Variants in DNAAF4 observed in about 807,000 individuals in gnomAD.
DNAAF4 encodes the protein dynein assembly factor 4, axonemal.
A neutral mutation model predicts 51.8 loss-of-function variants in DNAAF4; 43 were observed. The observed-to-expected ratio is 0.83, with a 90% CI of 0.65 to 1.07. The LOEUF (loss-of-function observed/expected upper bound fraction) is 1.07. Ranked by LOEUF, DNAAF4 falls within the 50% of genes least tolerant of loss-of-function variation. DNAAF4 has a pLI of 0.00. For synonymous variants in DNAAF4, 194 were observed against 165.6 expected (o/e 1.17, Z -1.32); for missense variants, 581 against 493.0 (o/e 1.18, Z -1.69).
chr15:55,428,157 T>C (rs1035572662), downstream of DNAAF4, among the ~76,000 whole-genome samples: 3 of 151,982 alleles, frequency 2.0e-5, no homozygotes, highest in African/African-American at 7.3e-5. Context: ...TTTCACCATG[T>C]TGGCCAGGCT....
chr15:55,421,860 G>T (rs548700629), intron 7 of DNAAF4, among the ~76,000 whole-genome samples: 5 of 150,434 alleles, frequency 3.3e-5, no homozygotes, highest in African/African-American at 1.2e-4. Context: ...TTGCACTCCA[G>T]CCTGGGCAAC....
At chr15:55,489,617 G>C (rs565204547) in intron 4 of DNAAF4, among the ~76,000 whole-genome samples, 2 of 148,856 alleles carry the variant, frequency 1.3e-5, no homozygotes, top group African/African-American at 5.0e-5. Context: ...AGAGGTTGCA[G>C]TGAGCTGAGA....
intron 7 of DNAAF4, chr15:55,418,365 C>T: frequency 6.5e-7 from 1 of 1,538,092 alleles, no homozygotes; most frequent in Non-Finnish European, 8.7e-7. Flanking sequence ...CTATCAAAAC[C>T]TCAAATGATT....
intron 5 of DNAAF4, among the ~76,000 whole-genome samples, chr15:55,462,580 C>T (rs1017846781): frequency 1.3e-5 from 2 of 150,476 alleles, no homozygotes; most frequent in Non-Finnish European, 3.0e-5. Flanking sequence ...CTCCCTAAAT[C>T]ATTCTACAAC....
intron 8 of DNAAF4, 145 bp downstream of exon 8, chr15:55,434,760 A>T (rs1486126965): frequency 1.7e-5 from 6 of 357,694 alleles, no homozygotes; most frequent in Non-Finnish European, 2.2e-5. Flanking sequence ...AAAATCAGTT[A>T]AAAAAAAAAA....
At chr15:55,499,365 C>G (rs976595539) in intron 1 of DNAAF4, among the ~76,000 whole-genome samples, 1 of 152,176 alleles carries the variant, frequency 6.6e-6, no homozygotes, top group South Asian at 2.1e-4. Flanking sequence ...GAACTAAGTG[C>G]GGTTCAATCG....
intron 1 of DNAAF4, among the ~76,000 whole-genome samples, chr15:55,506,804 A>G (rs75701522): frequency 0.049 from 7,528 of 152,204 alleles, 271 homozygotes; most frequent in East Asian, 0.15. Flanking sequence ...AAGTCAAATA[A>G]TATCCTCAAG....
At chr15:55,470,208 C>T (rs962069762) in intron 4 of DNAAF4, among the ~76,000 whole-genome samples, 1 of 152,032 alleles carries the variant, frequency 6.6e-6, no homozygotes, top group Non-Finnish European at 1.5e-5. Context: ...CATACCACCA[C>T]GCCTGGCTAA....
intron 5 of DNAAF4, among the ~76,000 whole-genome samples, chr15:55,451,062 C>T (rs759755726): frequency 6.6e-6 from 1 of 152,180 alleles, no homozygotes; most frequent in African/African-American, 2.4e-5. Context: ...GTGCCATACA[C>T]TCCAGCCTGG....
downstream of DNAAF4, among the ~76,000 whole-genome samples, chr15:55,426,071 G>A (rs1450988898): frequency 6.6e-6 from 1 of 152,204 alleles, no homozygotes; most frequent in East Asian, 1.9e-4. Flanking sequence ...CAGTGAGCCA[G>A]GAGTGCTGAT....
At chr15:55,428,128 A>G (rs1460846504), downstream of DNAAF4, among the ~76,000 whole-genome samples, 1 of 151,550 alleles carries the variant, frequency 6.6e-6, no homozygotes, top group African/African-American at 2.4e-5. Flanking sequence ...TAATTTTTGT[A>G]TTTTTAGTAG....
chr15:55,471,364 G>C (rs1007965618), intron 4 of DNAAF4, among the ~76,000 whole-genome samples: 10 of 152,128 alleles, frequency 6.6e-5, no homozygotes, highest in Non-Finnish European at 1.5e-4. Context: ...AGGAACCTGG[G>C]TCAAAATCCA....
chr15:55,442,907 A>T, intron 6 of DNAAF4: 1 of 1,612,178 alleles, frequency 6.2e-7, no homozygotes, highest in South Asian at 1.1e-5. Context: ...CCATGAATCA[A>T]TCCAGGTGGT....
intron 4 of DNAAF4, among the ~76,000 whole-genome samples, chr15:55,470,906 T>C (rs942193792): frequency 1.4e-5 from 2 of 139,614 alleles, no homozygotes; most frequent in African/African-American, 5.3e-5. Flanking sequence ...GGCTGGAGAG[T>C]GCAGTGGCAC....
At chr15:55,441,186 C>T (rs1368599487) in intron 6 of DNAAF4, among the ~76,000 whole-genome samples, 8 of 151,982 alleles carry the variant, frequency 5.3e-5, no homozygotes, top group Non-Finnish European at 8.8e-5. Flanking sequence ...ATTCTCCTGC[C>T]TCAGCCTCCT....
chr15:55,418,493 T>C, intron 7 of DNAAF4: 3 of 1,528,570 alleles, frequency 2.0e-6, no homozygotes, highest in African/African-American at 1.4e-5. Flanking sequence ...AACTGGATTT[T>C]ATCAAAATAA....
intron 3 of DNAAF4, among the ~76,000 whole-genome samples, chr15:55,495,636 G>A (rs763454139): frequency 6.6e-6 from 1 of 152,164 alleles, no homozygotes; most frequent in Non-Finnish European, 1.5e-5. Flanking sequence ...TCAGGAGGTC[G>A]AGGCAGGAGA....
intron 7 of DNAAF4, among the ~76,000 whole-genome samples, chr15:55,421,082 T>G (rs879433889): frequency 3.4e-5 from 5 of 147,812 alleles, no homozygotes; most frequent in Admixed American, 1.4e-4. Context: ...CCCAGCTACT[T>G]AGGAGGCTGC....
intron 5 of DNAAF4, among the ~76,000 whole-genome samples, chr15:55,464,747 C>A (rs2141499192): frequency 6.6e-6 from 1 of 152,252 alleles, no homozygotes; most frequent in South Asian, 2.1e-4. Context: ...GCAGGCGGAT[C>A]ACCTGAGGTC....
Sources: gnomAD v4.1 joint callset for allele counts (sites outside exome capture counted in the v4.1 genomes callset) on GRCh38, gnomAD v4.1.1 for gene constraint, MANE v1.5 for transcripts, NCBI Gene and HGNC (gene_info 2026-07-23, HGNC 2026-07-21) for gene names.